CMIP: variants seen among roughly 807,000 people sequenced by gnomAD.
The protein encoded by CMIP is C-Maf-inducing protein.
CMIP carries 13 observed loss-of-function variants against 97.3 expected under a neutral mutation model. The observed-to-expected ratio is 0.13, with a 90% CI of 0.09 to 0.21. The LOEUF (loss-of-function observed/expected upper bound fraction) is 0.21, where lower values mean the gene tolerates loss of function less well. CMIP is among the 10% of genes least tolerant of loss of function. The pLI, the probability that CMIP is intolerant of heterozygous loss-of-function variation, is 1.00. For synonymous variants in CMIP, 538 were observed against 436.3 expected, an observed-to-expected ratio of 1.23 and a Z score of -2.91; for missense variants, 847 against 1,024.9, an observed-to-expected ratio of 0.83 and a Z score of 2.37.
chr16:81,667,764 GAAA>G (rs1232310118), intron 7 of CMIP, among the ~76,000 whole-genome samples: 3 of 96,096 alleles, frequency 3.1e-5, no homozygotes, highest in Non-Finnish European at 6.5e-5. Context: ...GGGAGGGAGA[GAAA>G]GAGAGAGAGA....
At chr16:81,677,627 T>C (rs764856658) in intron 9 of CMIP, among the ~76,000 whole-genome samples, 2 of 152,174 alleles carry the variant, frequency 1.3e-5, no homozygotes, top group Non-Finnish European at 2.9e-5. Flanking sequence ...AAATGTGAGA[T>C]TAATAATGCC....
chr16:81,700,845 G>C (rs1009556927), intron 15 of CMIP, among the ~76,000 whole-genome samples: 2 of 152,178 alleles, frequency 1.3e-5, no homozygotes, highest in East Asian at 3.8e-4. Flanking sequence ...TGGGTACCTA[G>C]AGGTGCTGGG....
At chr16:81,550,865 C>G (rs1481715999) in intron 1 of CMIP, among the ~76,000 whole-genome samples, 7 of 151,218 alleles carry the variant, frequency 4.6e-5, no homozygotes. Flanking sequence ...CCAGTTCCAT[C>G]ACACACACCC....
At chr16:81,534,559 G>C (rs138780091) in intron 1 of CMIP, among the ~76,000 whole-genome samples, 1,778 of 152,012 alleles carry the variant, frequency 0.012, 14 homozygotes, top group Middle Eastern at 0.027. Flanking sequence ...TCAGAGTTGA[G>C]TGTCTTAATT....
intron 13 of CMIP, 21 bp downstream of exon 13, chr16:81,693,508 T>A (rs745433403): frequency 1.9e-6 from 3 of 1,606,890 alleles, no homozygotes; most frequent in Non-Finnish European, 2.6e-6. Flanking sequence ...TGTTTCTGCA[T>A]CTCAGGCCGG....
intron 1 of CMIP, among the ~76,000 whole-genome samples, chr16:81,565,009 G>A (rs540085235): frequency 6.6e-6 from 1 of 152,152 alleles, no homozygotes; most frequent in Admixed American, 6.5e-5. Context: ...GTCTCCAGAG[G>A]GGGTTTCATG....
In CMIP at chr16:81,546,138, T is replaced by G. The variant is rs75059574; in HGVS notation, c.301-61429T>G. Among the ~76,000 whole-genome samples the G allele has an allele frequency of 5.9e-3, 899 of 152,308 alleles. 5 individuals carry two copies. Among genetic ancestry groups the G allele is most frequent in the African/African-American group, 0.021 (858 of 41,566 alleles). ...CCTGGTTCTTACGAGTTATCGTGTC[T>G]CCTGAAACCTCGTGGGGGCATCCTG... On this transcript the variant is annotated intron_variant, in intron 1 of 20. Coordinates refer to ENST00000537098, the MANE Select transcript of CMIP (RefSeq NM_198390.3).
chr16:81,710,575 CT>C lies in CMIP; in HGVS notation c.*781del, dbSNP rs1417898371. The C allele has an allele frequency of 6.6e-6, 1 of 152,272 alleles. No homozygotes were observed. Among genetic ancestry groups the C allele is most frequent in the East Asian group, 1.9e-4 (1 of 5,186 alleles). 9.4% of individuals were successfully genotyped at this position (152,272 alleles called of 1,614,324 possible). ...AGAACCTCCTTGGAAAAATTAATTG[CT>C]TTTTCGTAATGGATTCTCTATGCTA... On this transcript the variant is annotated 3_prime_UTR_variant, in exon 21 of 21. Transcript: ENST00000537098.
chr16:81,504,283 G>A (rs2089664571), intron 1 of CMIP, among the ~76,000 whole-genome samples: 1 of 151,886 alleles, frequency 6.6e-6, no homozygotes, highest in African/African-American at 2.4e-5. Flanking sequence ...CTGAGATCAT[G>A]CCACTGCACT....
intron 1 of CMIP, among the ~76,000 whole-genome samples, chr16:81,521,322 G>A (rs745870258): frequency 3.3e-5 from 5 of 152,142 alleles, no homozygotes; most frequent in Admixed American, 6.5e-5. Context: ...GGTGATGGTC[G>A]GCAGTGGCAG....
intron 1 of CMIP, among the ~76,000 whole-genome samples, chr16:81,499,267 G>T (rs1321825956): frequency 1.3e-5 from 2 of 152,110 alleles, no homozygotes; most frequent in Non-Finnish European, 2.9e-5. Flanking sequence ...CAATCTCAAG[G>T]TCATGGATGC....
intron 1 of CMIP, chr16:81,463,907 G>A (rs1322498758): frequency 6.6e-6 from 1 of 152,282 alleles, no homozygotes; most frequent in Admixed American, 6.5e-5. Context: ...AAGGAAAAAT[G>A]AAGTAGGTGT....
intron 1 of CMIP, among the ~76,000 whole-genome samples, chr16:81,580,812 A>T (rs1303479908): frequency 6.6e-6 from 1 of 152,108 alleles, no homozygotes; most frequent in Non-Finnish European, 1.5e-5. Context: ...CAAACAAACA[A>T]GAGCATAGTT....
At chr16:81,465,908 C>G (rs959565514) in intron 1 of CMIP, among the ~76,000 whole-genome samples, 12 of 152,228 alleles carry the variant, frequency 7.9e-5, no homozygotes, top group African/African-American at 2.9e-4. Flanking sequence ...CACAGCCCCA[C>G]TAGAACACCT....
chr16:81,557,425 G>A (rs62046636), intron 1 of CMIP, among the ~76,000 whole-genome samples: 15,443 of 151,960 alleles, frequency 0.1, 867 homozygotes, highest in Admixed American at 0.12. Flanking sequence ...CAGCCTCTTC[G>A]TTCTTTTTTT....
chr16:81,447,944 G>A (rs1253926928), intron 1 of CMIP, among the ~76,000 whole-genome samples: 1 of 152,370 alleles, frequency 6.6e-6, no homozygotes, highest in East Asian at 1.9e-4. Flanking sequence ...AAGCAGCGGA[G>A]CCCCTGTGGG....
At position 81,597,822 on chromosome 16, in the gene CMIP, C is replaced by T. The variant is rs549218877; in HGVS notation, c.301-9745C>T. Among the ~76,000 whole-genome samples the T allele has an allele frequency of 2.0e-5, 3 of 152,228 alleles. No individual in the cohort carries two copies. In the South Asian group the frequency reaches 6.2e-4, roughly 32 times the overall value. Reference sequence around the variant, plus strand: ...ACACTCAAGGACACAGATTTCTGTTCCTCTCACCAGCCATCTTCAGGGATC... The same window carrying T: ...ACACTCAAGGACACAGATTTCTGTTTCTCTCACCAGCCATCTTCAGGGATC... On this transcript the variant is annotated intron_variant, in intron 1 of 20. Coordinates refer to ENST00000537098, the MANE Select transcript of CMIP (RefSeq NM_198390.3).
chr16:81,612,667 A>T (rs1663229181), intron 2 of CMIP, among the ~76,000 whole-genome samples: 1 of 152,200 alleles, frequency 6.6e-6, no homozygotes, highest in African/African-American at 2.4e-5. Flanking sequence ...TGGGAGAGGA[A>T]ATTGGGCAGC....
chr16:81,653,262 C>A (rs886866263), intron 4 of CMIP, among the ~76,000 whole-genome samples: 1 of 152,136 alleles, frequency 6.6e-6, no homozygotes, highest in African/African-American at 2.4e-5. Context: ...CCTGAGTCTC[C>A]CCCGTCAAGC....
Sources: allele counts gnomAD v4.1 joint callset (sites outside exome capture counted in the v4.1 genomes callset), GRCh38; gene constraint gnomAD v4.1.1; transcripts MANE v1.5; gene names NCBI Gene and HGNC (gene_info 2026-07-23, HGNC 2026-07-21).